The following DOCK10 variants were observed in gnomAD, a reference collection of about 807,000 sequenced individuals.
DOCK10 encodes the protein dedicator of cytokinesis protein 10.
In DOCK10, 145 loss-of-function variants were observed where a neutral mutation model predicts 280.1. The ratio of observed to expected loss-of-function variants is 0.52; its 90% CI spans 0.45 to 0.59. The LOEUF is 0.59. Ranked by LOEUF, DOCK10 falls within the 20% of genes least tolerant of loss-of-function variation. The pLI is 0.00. For missense variants in DOCK10, 2,368 were observed against 2,651.7 expected (o/e 0.89, Z 2.35); for synonymous variants, 915 against 942.2 (o/e 0.97, Z 0.53).
intron 1 of DOCK10, chr2:224,982,286 C>T (rs1328106505): frequency 1.6e-6 from 2 of 1,232,036 alleles, no homozygotes; most frequent in Non-Finnish European, 1.0e-6. Context: ...TTCCTCTTGG[C>T]GTCGTCTACA....
chr2:224,767,606 T>C (rs1364984457), intron 55 of DOCK10, among the ~76,000 whole-genome samples: 1 of 152,212 alleles, frequency 6.6e-6, no homozygotes, highest in African/African-American at 2.4e-5. Context: ...TCCTCAGACC[T>C]TTGCTCATGC....
chr2:224,939,600 A>G (rs922979055), intron 1 of DOCK10, among the ~76,000 whole-genome samples: 1 of 152,232 alleles, frequency 6.6e-6, no homozygotes, highest in Non-Finnish European at 1.5e-5. Context: ...CAACCCAATT[A>G]CAAGGCTGCC....
At chr2:224,856,010 C>T (rs1697110439) in intron 15 of DOCK10, among the ~76,000 whole-genome samples, 1 of 152,210 alleles carries the variant, frequency 6.6e-6, no homozygotes, top group South Asian at 2.1e-4. Flanking sequence ...GGGTGCACAT[C>T]TCTTCCTAAC....
intron 3 of DOCK10, among the ~76,000 whole-genome samples, chr2:224,910,588 G>A (rs1575042107): frequency 6.6e-6 from 1 of 152,180 alleles, no homozygotes; most frequent in Non-Finnish European, 1.5e-5. Context: ...ACATATGTTT[G>A]TAATTGCTAC....
chr2:224,918,598 G>A (rs906867106), intron 2 of DOCK10, among the ~76,000 whole-genome samples: 4 of 148,930 alleles, frequency 2.7e-5, no homozygotes, highest in South Asian at 4.3e-4. Context: ...GAGTGTGTGT[G>A]GTGCGTGTGT....
rs1310325686 is a variant in DOCK10 at position 224,819,486 on chromosome 2, A to T, written c.3227T>A (p.Val1076Asp). ...GGAGAACATGCTGATGTAATTGTTG[A>T]CCATCTTAAACACATACCCTCGGTC... ...FMDRGYVFKMVNNYISMFSSG... is the reference protein window; with the variant it reads ...FMDRGYVFKMDNNYISMFSSG... The change falls in exon 29 of 56, where the codon GTC (valine) becomes GAC (aspartate). Residue 1076 changes from valine to aspartate, a missense_variant. Coordinates refer to ENST00000258390, the MANE Select transcript of DOCK10 (RefSeq NM_014689.3). The T allele has an allele frequency of 6.2e-7, 1 of 1,611,556 alleles. No homozygotes were observed. Among genetic ancestry groups the T allele is most frequent in the Admixed American group, 1.7e-5 (1 of 59,600 alleles).
intron 3 of DOCK10, among the ~76,000 whole-genome samples, chr2:224,899,020 C>A: frequency 6.6e-6 from 1 of 152,156 alleles, no homozygotes; most frequent in East Asian, 1.9e-4. Flanking sequence ...TCTTTCTCAT[C>A]CCCTCTCTCT....
At chr2:224,807,532 G>T (rs372432347) in intron 33 of DOCK10, 136 bp downstream of exon 33, 33 of 610,906 alleles carry the variant, frequency 5.4e-5, no homozygotes, top group East Asian at 5.3e-4. Context: ...ACATTGATGT[G>T]AGTACATAGC....
intron 1 of DOCK10, among the ~76,000 whole-genome samples, chr2:225,039,385 C>T (rs1300130466): frequency 6.6e-6 from 1 of 152,102 alleles, no homozygotes; most frequent in African/African-American, 2.4e-5. Context: ...CATTTATTTT[C>T]TATGGGGAAT....
At chr2:225,007,492 AAAG>A (rs1255516232) in intron 1 of DOCK10, among the ~76,000 whole-genome samples, 4 of 152,214 alleles carry the variant, frequency 2.6e-5, no homozygotes, top group African/African-American at 7.2e-5. Context: ...AGGAGGATTA[AAAG>A]AAGATCCTGA....
chr2:224,962,109 GT>G (rs1704483773), intron 1 of DOCK10, among the ~76,000 whole-genome samples: 1 of 152,164 alleles, frequency 6.6e-6, no homozygotes. Flanking sequence ...ATTTTGGTCT[GT>G]TCCTTCCCTG....
intron 3 of DOCK10, among the ~76,000 whole-genome samples, chr2:224,907,675 G>A (rs12466436): frequency 0.59 from 85,171 of 145,332 alleles, 25,309 homozygotes; most frequent in Admixed American, 0.65. Flanking sequence ...GCGACAGAGC[G>A]AGACTCCACC....
chr2:224,816,802 C>T (rs1694161299), intron 29 of DOCK10, 89 bp from the exon 30 acceptor site: 13 of 728,726 alleles, frequency 1.8e-5, no homozygotes. Flanking sequence ...TGAATCTTAT[C>T]CCTAAAAAGA....
Position 224,805,094 on chromosome 2 carries a change from G to A in DOCK10, c.4082C>T (p.Pro1361Leu). Residue 1361 changes from proline (P) to leucine (L), a missense_variant, in exon 37 of 56, where the codon CCC becomes CTC. By Grantham distance (98) the Pro-to-Leu change is moderately conservative. Around this residue, in one of 2 missense-constraint regions of DOCK10, gnomAD observed 1,159 missense variants for 1,400.8 expected, o/e 0.83. Coordinates refer to ENST00000258390, the MANE Select transcript of DOCK10 (RefSeq NM_014689.3). This position sits in a 1 kb window ranked among gnomAD's most constrained non-coding sequence, Gnocchi z 4.3. Reference protein sequence around the residue: ...ETLIAYWQRAPSPEVSDFFSI... With the variant: ...ETLIAYWQRALSPEVSDFFSI... ...GAAGAAGTCGGACACCTCTGGGCTG[G>A]GAGCTCTCTGCCAGTAGGCAATCAG... 6.2e-7 allele frequency: 1 copy of A among 1,611,712 alleles called. No homozygotes were observed. Among genetic ancestry groups the A allele is most frequent in the Middle Eastern group, 1.7e-4 (1 of 6,046 alleles).
At chr2:225,004,397 C>G (rs1341387012) in intron 1 of DOCK10, among the ~76,000 whole-genome samples, 1 of 152,214 alleles carries the variant, frequency 6.6e-6, no homozygotes, top group Non-Finnish European at 1.5e-5. Context: ...GCAGGATTTG[C>G]CCCTAGAACT....
intron 29 of DOCK10, among the ~76,000 whole-genome samples, chr2:224,818,172 C>T (rs1694265412): frequency 1.3e-5 from 2 of 152,090 alleles, no homozygotes; most frequent in African/African-American, 4.8e-5. Context: ...TCAGGCCCCA[C>T]GTAACGTTTT....
intron 3 of DOCK10, among the ~76,000 whole-genome samples, chr2:224,912,802 G>A (rs1351801697): frequency 6.6e-6 from 1 of 152,058 alleles, no homozygotes; most frequent in Non-Finnish European, 1.5e-5. Context: ...GAGGTGGGTG[G>A]ATCACTTGAG....
intron 28 of DOCK10, among the ~76,000 whole-genome samples, chr2:224,822,912 A>G (rs1050020582): frequency 1.3e-5 from 2 of 152,012 alleles, no homozygotes; most frequent in African/African-American, 4.8e-5. Context: ...TTTTCTCTTA[A>G]AATATATTTA....
In DOCK10 at chr2:224,895,198, C is replaced by T. The variant is rs559990364; in HGVS notation, c.416+1097G>A. Among the ~76,000 whole-genome samples the T allele has an allele frequency of 6.9e-4, 105 of 152,268 alleles. 1 individual carries two copies. Among genetic ancestry groups the T allele is most frequent in the Non-Finnish European group, 3.4e-4 (23 of 68,022 alleles). The stretch of plus-strand genomic sequence containing the variant: ...AGTTCATAATCCCTCTTTCAAATTC[C>T]GCATTCGGAAATTGAGAGCAATGCT... On this transcript the variant is annotated intron_variant, in intron 4 of 55. Transcript: ENST00000258390.
Sources: allele counts gnomAD v4.1 joint callset (sites outside exome capture counted in the v4.1 genomes callset), GRCh38; gene constraint gnomAD v4.1.1; regional missense constraint gnomAD v4.1.1; non-coding constraint Gnocchi (gnomAD v3.1); transcripts MANE v1.5; gene names NCBI Gene and HGNC (gene_info 2026-07-23, HGNC 2026-07-21).